The following NCALD variants were observed in gnomAD, a reference collection of about 807,000 sequenced individuals.
NCALD encodes neurocalcin-delta.
NCALD carries 10 observed loss-of-function variants against 18.6 expected under a neutral mutation model. The ratio of observed to expected loss-of-function variants is 0.54; its 90% CI spans 0.33 to 0.91. The LOEUF (loss-of-function observed/expected upper bound fraction) is 0.91. Among genes scored for constraint, NCALD ranks in the 40% least tolerant of loss-of-function variants. The probability of loss-of-function intolerance (pLI) is 0.03; values close to 1 mark genes in which losing one functional copy is unlikely to be tolerated. For synonymous variants in NCALD, 88 were observed against 87.4 expected, an observed-to-expected ratio of 1.01 and a Z score of -0.04; for missense variants, 184 against 247.6, an observed-to-expected ratio of 0.74 and a Z score of 1.72.
chr8:102,083,736 C>T (rs117391674), intron 1 of NCALD, among the ~76,000 whole-genome samples: 3,252 of 152,182 alleles, frequency 0.021, 54 homozygotes, highest in Non-Finnish European at 0.03. Context: ...TGTTTGTTTC[C>T]TTTTTCCATT....
chr8:101,879,595 T>G (rs1298985697), intron 4 of NCALD, among the ~76,000 whole-genome samples: 1 of 152,180 alleles, frequency 6.6e-6, no homozygotes, highest in Non-Finnish European at 1.5e-5. Context: ...AACGGCTAGC[T>G]GGGACAGCCT....
chr8:101,775,843 C>A (rs1811769883), intron 1 of NCALD, among the ~76,000 whole-genome samples: 1 of 152,228 alleles, frequency 6.6e-6, no homozygotes, highest in South Asian at 2.1e-4. Flanking sequence ...CATTCCAAGA[C>A]CTCACTAGCC....
chr8:101,831,187 T>C (rs1353445817), intron 4 of NCALD, among the ~76,000 whole-genome samples: 1 of 152,206 alleles, frequency 6.6e-6, no homozygotes. Context: ...TAGATTCTCC[T>C]GTACACCCTA....
intron 4 of NCALD, among the ~76,000 whole-genome samples, chr8:101,809,222 A>G (rs929013453): frequency 4.6e-5 from 7 of 152,332 alleles, no homozygotes; most frequent in African/African-American, 1.4e-4. Context: ...CTTCCTGGAC[A>G]TGGAAGAGTC....
At chr8:101,982,019 A>G (rs1437456722) in intron 2 of NCALD, among the ~76,000 whole-genome samples, 1 of 152,034 alleles carries the variant, frequency 6.6e-6, no homozygotes, top group East Asian at 1.9e-4. Context: ...TGATTGTTGG[A>G]AAAAGTGTGG....
chr8:102,005,686 A>G (rs1169036599), intron 2 of NCALD, among the ~76,000 whole-genome samples: 1 of 152,220 alleles, frequency 6.6e-6, no homozygotes, highest in Non-Finnish European at 1.5e-5. Context: ...ACCATGGAAT[A>G]CTATGCCTCC....
chr8:101,855,769 T>A (rs1350372315), intron 4 of NCALD, among the ~76,000 whole-genome samples: 1 of 152,150 alleles, frequency 6.6e-6, no homozygotes, highest in Non-Finnish European at 1.5e-5. Context: ...GGAACAGGGA[T>A]GATCCCCAGA....
At chr8:101,929,655 G>C (rs1454824806) in intron 2 of NCALD, among the ~76,000 whole-genome samples, 7 of 118,920 alleles carry the variant, frequency 5.9e-5, no homozygotes, top group African/African-American at 1.9e-4. Flanking sequence ...GAGGGAGGGA[G>C]GAAGGAAGGA....
At chr8:101,920,175 T>A (rs768326127) in intron 2 of NCALD, among the ~76,000 whole-genome samples, 92 of 152,180 alleles carry the variant, frequency 6.0e-4, no homozygotes, top group South Asian at 4.1e-4. Context: ...GAAGATCACT[T>A]GAGCCCAGGA....
At chr8:101,728,238 C>T (rs1474742736) in intron 1 of NCALD, among the ~76,000 whole-genome samples, 1 of 151,706 alleles carries the variant, frequency 6.6e-6, no homozygotes, top group Non-Finnish European at 1.5e-5. Flanking sequence ...CCCTTCTTTA[C>T]TTTGTGTATT....
chr8:101,952,259 C>G (rs958714694), intron 2 of NCALD, among the ~76,000 whole-genome samples: 1 of 152,192 alleles, frequency 6.6e-6, no homozygotes, highest in African/African-American at 2.4e-5. Context: ...TCCCATGAAA[C>G]AACTGACCAC....
At chr8:101,926,632 A>C (rs1818344712) in intron 2 of NCALD, among the ~76,000 whole-genome samples, 1 of 152,246 alleles carries the variant, frequency 6.6e-6, no homozygotes. Flanking sequence ...CAGGTGGCAG[A>C]GCCAGCACTC....
In NCALD at chr8:101,942,716, C is replaced by T. The variant is rs536769751; in HGVS notation, c.-156-26858G>A. ...TTAATTCTCACAACAAATTTGTATA[C>T]ATCTTACTACCCCCATTTTATAAAT... On this transcript the variant is annotated intron_variant, in intron 2 of 6. Transcript: ENST00000311028. Among the ~76,000 whole-genome samples, 48 of 152,266 alleles carry T rather than the reference C, an allele frequency of 3.2e-4. 1 individual carries two copies. Among genetic ancestry groups the T allele is most frequent in the African/African-American group, 1.1e-3 (47 of 41,556 alleles).
chr8:102,099,924 A>G (rs1165256281), intron 1 of NCALD, among the ~76,000 whole-genome samples: 1 of 151,562 alleles, frequency 6.6e-6, no homozygotes, highest in East Asian at 1.9e-4. Flanking sequence ...GTGAGCTGAG[A>G]TTGCATCACT....
intron 3 of NCALD, among the ~76,000 whole-genome samples, chr8:101,899,531 T>C (rs1221287779): frequency 1.3e-5 from 2 of 151,956 alleles, no homozygotes; most frequent in Non-Finnish European, 2.9e-5. Flanking sequence ...TTTTCATAGA[T>C]ACTCTTTATC....
At chr8:101,832,989 A>G (rs1007250099) in intron 4 of NCALD, among the ~76,000 whole-genome samples, 1 of 152,254 alleles carries the variant, frequency 6.6e-6, no homozygotes, top group African/African-American at 2.4e-5. Flanking sequence ...ATGTTTAAGT[A>G]TGATTGAAAA....
At chr8:101,792,166 CTG>C (rs1812471081), upstream of NCALD, among the ~76,000 whole-genome samples, 1 of 151,976 alleles carries the variant, frequency 6.6e-6, no homozygotes, top group Non-Finnish European at 1.5e-5. Flanking sequence ...GACTTCTATT[CTG>C]TTTCTTAAAA....
At chr8:102,050,168 CAAAAAAAAAAAAA>C (rs71268541) in intron 1 of NCALD, among the ~76,000 whole-genome samples, 2 of 44,682 alleles carry the variant, frequency 4.5e-5, no homozygotes, top group Non-Finnish European at 4.0e-5. Flanking sequence ...GACTCCGTCT[CAAAAAAAAAAAAA>C]AAAAAAAAAA....
intron 1 of NCALD, among the ~76,000 whole-genome samples, chr8:102,098,056 T>C (rs1259600812): frequency 2.0e-5 from 3 of 152,162 alleles, no homozygotes. Flanking sequence ...AAAATAAGTA[T>C]AGTCTGTGTT....
Sources: allele counts gnomAD v4.1 joint callset (sites outside exome capture counted in the v4.1 genomes callset), GRCh38; gene constraint gnomAD v4.1.1; transcripts MANE v1.5; gene names NCBI Gene and HGNC (gene_info 2026-07-23, HGNC 2026-07-21).